ZWILCH: variants seen among roughly 807,000 people sequenced by gnomAD.
The protein encoded by ZWILCH is protein zwilch homolog.
ZWILCH carries 74 observed loss-of-function variants against 79.9 expected under a neutral mutation model. That is an observed-to-expected ratio of 0.93 (90% CI 0.77 to 1.12). The LOEUF (loss-of-function observed/expected upper bound fraction) is 1.12, where lower values mean the gene tolerates loss of function less well. Ranked by LOEUF, ZWILCH falls within the 50% of genes most tolerant of loss-of-function variation. ZWILCH has a pLI of 0.00. For synonymous variants in ZWILCH, 241 were observed against 228.2 expected (o/e 1.06, Z -0.51); for missense variants, 694 against 687.5 (o/e 1.01, Z -0.11).
chr15:66,512,537 T>A (rs1894105442), intron 2 of ZWILCH, among the ~76,000 whole-genome samples: 1 of 151,916 alleles, frequency 6.6e-6, no homozygotes, highest in South Asian at 2.1e-4. Context: ...CAGGTGCCAA[T>A]GTGTCCAGCA....
chr15:66,540,010 A>C, intron 16 of ZWILCH, 88 bp from the exon 17 acceptor site: 2 of 849,640 alleles, frequency 2.4e-6, no homozygotes, highest in Non-Finnish European at 3.8e-6. Flanking sequence ...TGCTTATCAC[A>C]TGAAGACTTC....
chr15:66,533,058 G>C (rs1300245491), intron 14 of ZWILCH, 45 bp downstream of exon 14: 1 of 1,388,690 alleles, frequency 7.2e-7, no homozygotes, highest in African/African-American at 1.4e-5. Flanking sequence ...CTTTTATTCA[G>C]TCATTCTGTG....
chr15:66,519,826 C>A lies in ZWILCH; in HGVS notation c.520+748C>A, dbSNP rs1894427642. On this transcript the variant is annotated intron_variant, in intron 5 of 18. Coordinates refer to ENST00000307897, the MANE Select transcript of ZWILCH (RefSeq NM_017975.5). ...TTACTTATTTTTTTAGAGACAGAGCCTCACTCTGTAGCCCAGGTTAGGGTA... is the reference window on the plus strand; with the variant it reads ...TTACTTATTTTTTTAGAGACAGAGCATCACTCTGTAGCCCAGGTTAGGGTA... Among the ~76,000 whole-genome samples the A allele has an allele frequency of 2.0e-5, 3 of 152,116 alleles. No individual in the cohort carries two copies. In the South Asian group the frequency reaches 6.2e-4, roughly 32 times the overall value.
Position 66,520,658 on chromosome 15 carries a change from A to G in ZWILCH, c.589A>G (p.Thr197Ala), listed in dbSNP as rs147137740. Reference sequence around the variant, plus strand: ...ACACAAGAAAAGACATCACTTGTCTACTGTAAGTGTTTTGCTTCTACTCAT... The same window carrying G: ...ACACAAGAAAAGACATCACTTGTCTGCTGTAAGTGTTTTGCTTCTACTCAT... The part of the protein sequence containing the change: ...NLHKKRHHLS[T>A]VTSKGFAQYE... Residue 197 changes from threonine to alanine, a missense_variant and splice_region_variant, in exon 6 of 19, where the codon ACT becomes GCT. Physicochemically the swap from Thr to Ala is moderately conservative, Grantham distance 58. Transcript: ENST00000307897. The G allele has an allele frequency of 8.6e-4, 1,326 of 1,549,116 alleles. 5 individuals carry two copies. The African/African-American group carries it at 0.015, about 18-fold the overall frequency.
rs941564958 is a variant in ZWILCH at position 66,527,977 on chromosome 15, A to G, written c.969+65A>G. On this transcript the variant is annotated intron_variant, in intron 10 of 18. Coordinates refer to ENST00000307897, the MANE Select transcript of ZWILCH (RefSeq NM_017975.5). ...GCTTTTAAAATTCGGTTATGCTGAC[A>G]TCTTTCATGTTGTACCATCGCAAAT... is the stretch of plus-strand genomic sequence containing the variant. 13 of 1,378,384 alleles carry G rather than the reference A, an allele frequency of 9.4e-6. No homozygotes were observed. The Admixed American group carries it at 2.5e-4, about 27-fold the overall frequency. The allele number at this position is 1,378,384 out of a possible 1,614,324, so 85.4% of individuals were successfully genotyped here.
intron 17 of ZWILCH, among the ~76,000 whole-genome samples, chr15:66,542,972 C>T (rs1463454774): frequency 1.3e-5 from 2 of 152,166 alleles, no homozygotes; most frequent in African/African-American, 4.8e-5. Flanking sequence ...AACGGGCAAT[C>T]ATTCTCACAC....
chr15:66,542,984 T>C (rs1895240984), intron 17 of ZWILCH, among the ~76,000 whole-genome samples: 1 of 152,226 alleles, frequency 6.6e-6, no homozygotes, highest in Non-Finnish European at 1.5e-5. Flanking sequence ...TTCTCACACA[T>C]TTCTGGTTGG....
At chr15:66,509,567 A>G (rs771250523) in intron 2 of ZWILCH, among the ~76,000 whole-genome samples, 1 of 152,074 alleles carries the variant, frequency 6.6e-6, no homozygotes, top group Non-Finnish European at 1.5e-5. Context: ...TCCATTCACC[A>G]GTTGAAGGAC....
chr15:66,505,446 G>A, intron 1 of ZWILCH, 55 bp downstream of exon 1: 4 of 1,601,178 alleles, frequency 2.5e-6, no homozygotes, highest in Non-Finnish European at 3.4e-6. Flanking sequence ...TCTTTCCCTG[G>A]GTGTCTGGAT....
chr15:66,548,639 A>ATCCTGTTCTCATTTGT lies in ZWILCH; in HGVS notation c.*315_*316insTCCTGTTCTCATTTGT. ...ACAAAGAGAACGAGCACCACAAATG[A>ATCCTGTTCTCATTTGT]GAACAGGATCATTTTAGTAAATACA... On this transcript the variant is annotated 3_prime_UTR_variant, in exon 19 of 19. Transcript: ENST00000307897. 2 of 1,104,660 alleles carry ATCCTGTTCTCATTTGT rather than the reference A, an allele frequency of 1.8e-6. No individual in the cohort carries two copies. Among genetic ancestry groups the ATCCTGTTCTCATTTGT allele is most frequent in the Non-Finnish European group, 2.8e-6 (2 of 717,598 alleles). 68.4% of individuals were successfully genotyped at this position (1,104,660 alleles called of 1,614,324 possible). A position where few individuals can be genotyped will look rare whatever the true frequency, so the allele number is the denominator to read the frequency against.
At chr15:66,506,504 A>C (rs1893824680) in intron 1 of ZWILCH, among the ~76,000 whole-genome samples, 1 of 152,182 alleles carries the variant, frequency 6.6e-6, no homozygotes, top group Non-Finnish European at 1.5e-5. Flanking sequence ...CCCCGTCTCT[A>C]CTAAAAATAC....
At chr15:66,512,284 G>A (rs1595903896) in intron 2 of ZWILCH, among the ~76,000 whole-genome samples, 1 of 152,008 alleles carries the variant, frequency 6.6e-6, no homozygotes, top group South Asian at 2.1e-4. Flanking sequence ...AAAGAGATGG[G>A]GTCTTACTCT....
intron 3 of ZWILCH, chr15:66,514,291 C>A (rs777462868): frequency 1.4e-5 from 4 of 289,176 alleles, no homozygotes; most frequent in South Asian, 6.2e-5. Context: ...AAGAAATAAT[C>A]GATAAAATTC....
At position 66,527,889 on chromosome 15, in the gene ZWILCH, A is replaced by G. The variant is rs753263940; in HGVS notation, c.946A>G (p.Thr316Ala). Reference sequence around the variant, plus strand: ...TAAGCTGGATGGATTTGGTGATTCTACAAAAAAAGACACTGAGGTTGAGGT... The same window carrying G: ...TAAGCTGGATGGATTTGGTGATTCTGCAAAAAAAGACACTGAGGTTGAGGT... ...LNKLDGFGDSTKKDTEVETLK... is the reference protein window; with the variant it reads ...LNKLDGFGDSAKKDTEVETLK... Residue 316 changes from threonine (T) to alanine (A), a missense_variant, in exon 10 of 19, where the codon ACA becomes GCA. By Grantham distance (58) the Thr-to-Ala change is moderately conservative (BLOSUM62 0). Transcript: ENST00000307897. 7.5e-6 allele frequency: 12 copies of G among 1,601,378 alleles called. No homozygotes were observed. The highest frequency in any genetic ancestry group is 2.3e-5 in the East Asian group (1 of 43,798).
intron 2 of ZWILCH, among the ~76,000 whole-genome samples, chr15:66,512,965 T>TTGTG: frequency 6.6e-6 from 1 of 152,196 alleles, no homozygotes; most frequent in South Asian, 2.1e-4. Flanking sequence ...GCCTGATATT[T>TTGTG]TGTAGTCTTA....
chr15:66,530,271 T>C (rs1238258756), intron 12 of ZWILCH, among the ~76,000 whole-genome samples: 1 of 152,194 alleles, frequency 6.6e-6, no homozygotes, highest in Non-Finnish European at 1.5e-5. Context: ...AGTTAACTTT[T>C]GGAGAGAAAA....
chr15:66,528,884 T>G lies in ZWILCH; in HGVS notation c.1002T>G (p.Arg334=), dbSNP rs1196954672. The G allele has an allele frequency of 6.2e-7, 1 of 1,614,116 alleles. No individual in the cohort carries two copies. The highest frequency in any genetic ancestry group is 1.3e-5 in the African/African-American group (1 of 75,052). The change falls in exon 11 of 19, where the codon CGT becomes CGG. Residue 334 remains arginine (R), a synonymous_variant. Coordinates refer to ENST00000307897, the MANE Select transcript of ZWILCH (RefSeq NM_017975.5). ...TLKHDTAAVD[R]SVKRLFKVRS... ...AGCATGACACTGCTGCAGTCGATCGTTCCGTCAAGCGTCTTTTCAAAGTTC... is the reference window on the plus strand; with the variant it reads ...AGCATGACACTGCTGCAGTCGATCGGTCCGTCAAGCGTCTTTTCAAAGTTC...
chr15:66,509,836 T>C (rs1205767131), intron 2 of ZWILCH, among the ~76,000 whole-genome samples: 1,161 of 59,994 alleles, frequency 0.019, 69 homozygotes, highest in African/African-American at 0.062. Context: ...TATATATATA[T>C]ATATATATAT....
In ZWILCH at chr15:66,527,870, G is replaced by A; in HGVS notation, c.927G>A (p.Leu309=). The change falls in exon 10 of 19, where the codon CTG becomes CTA. Residue 309 remains leucine (L), a synonymous_variant. Transcript: ENST00000307897. ...VQEFLNDLNK[L]DGFGDSTKKD... is the part of the protein sequence containing the mutation. ...GCCACTTTCTAGACTTAAATAAGCT[G>A]GATGGATTTGGTGATTCTACAAAAA... The A allele has an allele frequency of 6.3e-7, 1 of 1,599,042 alleles. No individual in the cohort carries two copies. The highest frequency in any genetic ancestry group is 8.5e-7 in the Non-Finnish European group (1 of 1,176,284).
Sources: gnomAD v4.1 joint callset for allele counts (sites outside exome capture counted in the v4.1 genomes callset) on GRCh38, gnomAD v4.1.1 for gene constraint, MANE v1.5 for transcripts, NCBI Gene and HGNC (gene_info 2026-07-23, HGNC 2026-07-21) for gene names.